BLM: variants seen among roughly 807,000 people sequenced by gnomAD.
BLM encodes the protein recQ-like DNA helicase BLM.
A neutral mutation model predicts 135.3 loss-of-function variants in BLM; 95 were observed. The ratio of observed to expected loss-of-function variants is 0.70; its 90% CI spans 0.59 to 0.83. The LOEUF is 0.83. Ranked by LOEUF, BLM falls within the 40% of genes least tolerant of loss-of-function variation. BLM has a pLI of 0.00. For synonymous variants in BLM, 520 were observed against 589.2 expected (o/e 0.88, Z 1.70); for missense variants, 1,518 against 1,663.9 (o/e 0.91, Z 1.53).
At chr15:90,809,992 C>T (rs919234969) in intron 20 of BLM, among the ~76,000 whole-genome samples, 11 of 152,050 alleles carry the variant, frequency 7.2e-5, no homozygotes, top group Admixed American at 6.6e-5. Context: ...TGCTTCCAGA[C>T]AGGCAGTGTG....
At chr15:90,791,869 A>C (rs1220713600) in intron 15 of BLM, among the ~76,000 whole-genome samples, 1 of 152,056 alleles carries the variant, frequency 6.6e-6, no homozygotes, top group Non-Finnish European at 1.5e-5. Flanking sequence ...CAAACTCCTG[A>C]CCTCAGGTGA....
At position 90,808,767 on chromosome 15, in the gene BLM, T is replaced by A. The variant is rs28385148; in HGVS notation, c.3752-370T>A. On this transcript the variant is annotated intron_variant, in intron 19 of 21. Coordinates refer to ENST00000355112, the MANE Select transcript of BLM (RefSeq NM_000057.4). Reference sequence around the variant, plus strand: ...TGGAGCTGGAAATAGAAATGCAGCGTTCTCAGTAAAGAGAGGGCACACCAG... The same window carrying A: ...TGGAGCTGGAAATAGAAATGCAGCGATCTCAGTAAAGAGAGGGCACACCAG... 1,458 of 344,798 alleles carry A rather than the reference T, an allele frequency of 4.2e-3. 24 individuals carry two copies. The highest frequency in any genetic ancestry group is 0.029 in the African/African-American group (1,365 of 47,416). 21.4% of individuals were successfully genotyped at this position (344,798 alleles called of 1,614,324 possible). A position where few individuals can be genotyped will look rare whatever the true frequency, so the allele number is the denominator to read the frequency against.
chr15:90,741,078 A>G (rs964584311), intron 1 of BLM, among the ~76,000 whole-genome samples: 2 of 152,084 alleles, frequency 1.3e-5, no homozygotes, highest in Admixed American at 1.3e-4. Flanking sequence ...GAGGGTTCTG[A>G]TTTCCCCACA....
At chr15:90,801,165 TA>T (rs151335121) in intron 17 of BLM, among the ~76,000 whole-genome samples, 22,983 of 74,914 alleles carry the variant, frequency 0.31, 1,856 homozygotes, top group East Asian at 0.46. Context: ...AAAAAAGTTG[TA>T]AAAAAAAAAA....
intron 17 of BLM, among the ~76,000 whole-genome samples, chr15:90,800,291 A>AT (rs1355612569): frequency 6.6e-6 from 1 of 152,218 alleles, no homozygotes; most frequent in Non-Finnish European, 1.5e-5. Flanking sequence ...ACAGGTCGTG[A>AT]TTTGATAAGT....
rs1222774848 is a variant in BLM at position 90,758,078 on chromosome 15, C to T, written c.1088-2069C>T. Among the ~76,000 whole-genome samples, 7 of 151,892 alleles carry T rather than the reference C, an allele frequency of 4.6e-5. 1 individual carries two copies. Among genetic ancestry groups the T allele is most frequent in the African/African-American group, 1.4e-4 (6 of 41,422 alleles). On this transcript the variant is annotated intron_variant, in intron 5 of 21. Transcript: ENST00000355112. ...TATTTTTATTAGAGACAGGGTTTCG[C>T]CACGTTGACCAGGCTGGTGTCAAAC... is the stretch of plus-strand genomic sequence containing the variant.
At chr15:90,794,758 A>T (rs1265705278) in intron 16 of BLM, among the ~76,000 whole-genome samples, 1 of 148,870 alleles carries the variant, frequency 6.7e-6, no homozygotes, top group Non-Finnish European at 1.5e-5. Flanking sequence ...AATTAAATAT[A>T]TTAAAATTGA....
rs1190508526 is a variant in BLM, at chr15:90,769,543, CAGA to C, written c.2515_2517del (p.Lys839del). ...TACGGCCACAGCTAATCCCAGGGTA[CAGA>C]AGGACATCCTGACTCAGCTGAAGAT... is the stretch of plus-strand genomic sequence containing the variant. On this transcript the variant is annotated inframe_deletion, in exon 12 of 22. Coordinates refer to ENST00000355112, the MANE Select transcript of BLM (RefSeq NM_000057.4). The C allele has an allele frequency of 1.2e-6, 2 of 1,613,912 alleles. No homozygotes were observed. The highest frequency in any genetic ancestry group is 8.5e-7 in the Non-Finnish European group (1 of 1,179,956).
chr15:90,794,072 T>C, intron 15 of BLM, 95 bp from the exon 16 acceptor site: 2 of 843,288 alleles, frequency 2.4e-6, no homozygotes. Context: ...TCTTATTTAA[T>C]ATTTAAAGTT....
At chr15:90,754,085 T>G (rs1029189254) in intron 4 of BLM, among the ~76,000 whole-genome samples, 6 of 152,252 alleles carry the variant, frequency 3.9e-5, no homozygotes, top group African/African-American at 1.4e-4. Flanking sequence ...AGTCTGACAC[T>G]TTCCCCATAC....
In BLM at chr15:90,775,803, C is replaced by T. The variant is rs1220174053; in HGVS notation, c.2555+6217C>T. Among the ~76,000 whole-genome samples the T allele has an allele frequency of 2.0e-5, 3 of 152,214 alleles. 1 individual carries two copies. Among genetic ancestry groups the T allele is most frequent in the Non-Finnish European group, 1.5e-5 (1 of 68,008 alleles). ...CTGGGATTACTTGAGCCACCACGCCCGGCCATAAGCATACATTTTGATTGA... is the reference window on the plus strand; with the variant it reads ...CTGGGATTACTTGAGCCACCACGCCTGGCCATAAGCATACATTTTGATTGA... On this transcript the variant is annotated intron_variant, in intron 12 of 21. Coordinates refer to ENST00000355112, the MANE Select transcript of BLM (RefSeq NM_000057.4).
intron 5 of BLM, 192 bp downstream of exon 5, chr15:90,755,130 T>C (rs1218530542): frequency 6.0e-6 from 4 of 664,690 alleles, no homozygotes; most frequent in African/African-American, 1.8e-5. Flanking sequence ...GAACTCATGC[T>C]CTCACAAGGG....
intron 8 of BLM, 103 bp from the exon 9 acceptor site, chr15:90,765,193 A>G (rs751476106): frequency 8.6e-6 from 8 of 927,710 alleles, no homozygotes; most frequent in Non-Finnish European, 1.4e-5. Context: ...ACCAGGGACA[A>G]TATGCCTTGG....
chr15:90,815,387 C>T lies in BLM; in HGVS notation c.*108C>T, dbSNP rs28363374. On this transcript the variant is annotated 3_prime_UTR_variant, in exon 22 of 22. Transcript: ENST00000355112. This position sits in a 1 kb window ranked among gnomAD's most constrained non-coding sequence, Gnocchi z 4.6. ...TATACCATTTGAAGTTTTTACTCGT[C>T]TCTATTAATATTTAAATAAATGCTG... 1,967 of 1,202,168 alleles carry T rather than the reference C, an allele frequency of 1.6e-3. 25 individuals carry two copies. The African/African-American group carries it at 0.027, about 16-fold the overall frequency. The allele number at this position is 1,202,168 out of a possible 1,614,324, so 74.5% of individuals were successfully genotyped here. A position where few individuals can be genotyped will look rare whatever the true frequency, so the allele number is the denominator to read the frequency against.
chr15:90,730,337 C>G (rs567978322), intron 1 of BLM, among the ~76,000 whole-genome samples: 89 of 152,272 alleles, frequency 5.8e-4, no homozygotes, highest in Admixed American at 2.0e-3. Context: ...AGTGGGCATT[C>G]TGGAATTGTT....
chr15:90,792,262 C>G (rs1375302773), intron 15 of BLM, among the ~76,000 whole-genome samples: 1 of 151,726 alleles, frequency 6.6e-6, no homozygotes, highest in East Asian at 1.9e-4. Context: ...CCCACCACCA[C>G]ACCCAGCTAA....
At chr15:90,734,919 C>T (rs1895170936) in intron 1 of BLM, among the ~76,000 whole-genome samples, 1 of 151,888 alleles carries the variant, frequency 6.6e-6, no homozygotes, top group African/African-American at 2.4e-5. Context: ...GTAATATTGT[C>T]CCTACTTGCA....
chr15:90,770,175 C>CCT lies in BLM; in HGVS notation c.2555+590_2555+591insTC, dbSNP rs1555420983. Among the ~76,000 whole-genome samples, 534 of 144,854 alleles carry CCT rather than the reference C, an allele frequency of 3.7e-3. 9 individuals carry two copies. Among genetic ancestry groups the CCT allele is most frequent in the African/African-American group, 0.013 (514 of 38,966 alleles). On this transcript the variant is annotated intron_variant, in intron 12 of 21. Transcript: ENST00000355112. ...ATCTACTATAAAAGAAATCCCCCCC[C>CCT]CCTTTTTTTTTTTTTTGAGATGGAG...
At chr15:90,790,005 T>G (rs1028697859) in intron 14 of BLM, among the ~76,000 whole-genome samples, 8 of 117,100 alleles carry the variant, frequency 6.8e-5, no homozygotes, top group South Asian at 2.7e-4. Flanking sequence ...TTTTTTTTTT[T>G]TTTTTTTTTT....
Sources: allele counts gnomAD v4.1 joint callset (sites outside exome capture counted in the v4.1 genomes callset), GRCh38; gene constraint gnomAD v4.1.1; non-coding constraint Gnocchi (gnomAD v3.1); transcripts MANE v1.5; gene names NCBI Gene and HGNC (gene_info 2026-07-23, HGNC 2026-07-21).